USH2A: variants seen among roughly 807,000 people sequenced by gnomAD.
USH2A encodes Usher syndrome 2A (autosomal recessive, mild).
Under a neutral mutation model 538.9 loss-of-function variants are expected in USH2A, and 443 were observed. That is an observed-to-expected ratio of 0.82 (90% confidence interval 0.76 to 0.89). The LOEUF (loss-of-function observed/expected upper bound fraction) is 0.89. Ranked by LOEUF, USH2A falls within the 40% of genes least tolerant of loss-of-function variation. The probability of loss-of-function intolerance (pLI) is 0.00; values close to 1 mark genes in which losing one functional copy is unlikely to be tolerated. For synonymous variants in USH2A, 2,413 were observed against 2,273.5 expected, an observed-to-expected ratio of 1.06 and a Z score of -1.75; for missense variants, 6,633 against 6,324.8, an observed-to-expected ratio of 1.05 and a Z score of -1.65.
intron 32 of USH2A, among the ~76,000 whole-genome samples, chr1:216,041,780 T>C (rs550291080): frequency 4.1e-4 from 63 of 152,206 alleles, no homozygotes; most frequent in African/African-American, 1.5e-3. Flanking sequence ...TATAAAAGGT[T>C]AATAATTATT....
At chr1:215,653,718 A>C (rs1657151916) in intron 64 of USH2A, among the ~76,000 whole-genome samples, 1 of 152,190 alleles carries the variant, frequency 6.6e-6, no homozygotes, top group African/African-American at 2.4e-5. Flanking sequence ...TTTGTCTAAA[A>C]TATCACTGTG....
At chr1:216,404,461 A>G (rs897517384) in intron 3 of USH2A, among the ~76,000 whole-genome samples, 17 of 152,120 alleles carry the variant, frequency 1.1e-4, no homozygotes, top group African/African-American at 4.1e-4. Context: ...TCTGAAATAA[A>G]TCAACATAAA....
chr1:216,034,312 C>T (rs949118361), intron 32 of USH2A, among the ~76,000 whole-genome samples: 2 of 152,120 alleles, frequency 1.3e-5, no homozygotes, highest in African/African-American at 2.4e-5. Context: ...ATGAATTATA[C>T]AACCTCCACT....
intron 48 of USH2A, among the ~76,000 whole-genome samples, chr1:215,815,599 G>A (rs1662835643): frequency 6.6e-6 from 1 of 151,890 alleles, no homozygotes; most frequent in African/African-American, 2.4e-5. Context: ...AGAAAGGTAG[G>A]AGTAATTTTA....
chr1:216,226,995 T>C (rs1266648510), intron 14 of USH2A, among the ~76,000 whole-genome samples: 1 of 152,192 alleles, frequency 6.6e-6, no homozygotes, highest in Non-Finnish European at 1.5e-5. Flanking sequence ...GAGACACATG[T>C]CACCCTTCAA....
intron 52 of USH2A, among the ~76,000 whole-genome samples, chr1:215,785,006 G>C (rs1186168790): frequency 6.6e-6 from 1 of 152,142 alleles, no homozygotes; most frequent in East Asian, 1.9e-4. Flanking sequence ...ACTGGGACTG[G>C]GAACACAATA....
intron 47 of USH2A, among the ~76,000 whole-genome samples, chr1:215,819,530 G>C (rs1278051974): frequency 6.6e-6 from 1 of 151,794 alleles, no homozygotes; most frequent in East Asian, 1.9e-4. Flanking sequence ...GACTTGTACA[G>C]CCACAGCTAT....
chr1:216,196,169 T>A (rs1443531256), intron 19 of USH2A, among the ~76,000 whole-genome samples: 1 of 152,144 alleles, frequency 6.6e-6, no homozygotes, highest in Non-Finnish European at 1.5e-5. Flanking sequence ...TCAATGTTAT[T>A]TATATTTCCA....
intron 37 of USH2A, among the ~76,000 whole-genome samples, chr1:215,960,879 C>G (rs1233710725): frequency 1.3e-5 from 2 of 152,058 alleles, no homozygotes; most frequent in Admixed American, 1.3e-4. Context: ...TTCCACTTGT[C>G]ACACCATCTA....
At position 215,649,997 on chromosome 1, in the gene USH2A, A is replaced by T. The variant is rs145436650; in HGVS notation, c.14343+595T>A. 1.9e-3 allele frequency among the ~76,000 whole-genome samples: 285 copies of T among 152,320 alleles called. 2 individuals are homozygous for T. Among genetic ancestry groups the T allele is most frequent in the Non-Finnish European group, 3.6e-3 (242 of 68,026 alleles). ...ATGTGAAAGATGATTTCCCTGAGCA[A>T]TCTCTCCTGTCTCCCAGTGTGCCTC... is the stretch of plus-strand genomic sequence containing the variant. On this transcript the variant is annotated intron_variant, in intron 65 of 71. Coordinates refer to ENST00000307340, the MANE Select transcript of USH2A (RefSeq NM_206933.4).
Position 216,416,166 on chromosome 1 carries a change from C to CA in USH2A, c.651+2347dup, listed in dbSNP as rs1045950421. 1.3e-4 allele frequency among the ~76,000 whole-genome samples: 19 copies of CA among 150,246 alleles called. 1 individual carries two copies. The South Asian group carries it at 1.7e-3, about 13-fold the overall frequency. On this transcript the variant is annotated intron_variant, in intron 3 of 71. Transcript: ENST00000307340. ...GGGCAACAAGGGAGAAACTCTGTCT[C>CA]AAAAAAAAATCTATAATATGGATTT...
intron 30 of USH2A, among the ~76,000 whole-genome samples, chr1:216,069,488 C>T (rs1038392766): frequency 5.3e-5 from 8 of 152,088 alleles, no homozygotes; most frequent in African/African-American, 1.9e-4. Flanking sequence ...ATTAAACTCT[C>T]CCTTTAAATG....
intron 21 of USH2A, among the ~76,000 whole-genome samples, chr1:216,142,695 A>C (rs2033624344): frequency 6.6e-6 from 1 of 152,228 alleles, no homozygotes; most frequent in Non-Finnish European, 1.5e-5. Flanking sequence ...TTGAAATATG[A>C]TAACATTTAA....
intron 47 of USH2A, among the ~76,000 whole-genome samples, chr1:215,820,754 C>T (rs1455112910): frequency 1.3e-5 from 2 of 151,732 alleles, no homozygotes. Flanking sequence ...CCATGACCCT[C>T]TCAGGCCTCT....
intron 46 of USH2A, among the ~76,000 whole-genome samples, chr1:215,842,140 A>G (rs938489582): frequency 6.6e-6 from 1 of 152,176 alleles, no homozygotes; most frequent in African/African-American, 2.4e-5. Flanking sequence ...CCTGGTCAAC[A>G]TGGTGAAACC....
chr1:216,080,031 A>G (rs1257349502), intron 26 of USH2A: 1 of 152,122 alleles, frequency 6.6e-6, no homozygotes, highest in Non-Finnish European at 1.5e-5. Context: ...TGTTGTTGAC[A>G]AGGAGGAGGG....
At chr1:216,092,050 TAAAAC>T (rs376009135) in intron 22 of USH2A, among the ~76,000 whole-genome samples, 1 of 152,060 alleles carries the variant, frequency 6.6e-6, no homozygotes, top group South Asian at 2.1e-4. Flanking sequence ...TAAAAAAAAA[TAAAAC>T]AAACATCACA....
intron 3 of USH2A, among the ~76,000 whole-genome samples, chr1:216,386,826 G>T (rs1174763321): frequency 6.6e-6 from 1 of 152,066 alleles, no homozygotes; most frequent in African/African-American, 2.4e-5. Flanking sequence ...CTGCAATCCA[G>T]CCTGGGCGAC....
At chr1:215,809,905 G>A (rs1389288469) in intron 49 of USH2A, among the ~76,000 whole-genome samples, 1 of 152,134 alleles carries the variant, frequency 6.6e-6, no homozygotes, top group Non-Finnish European at 1.5e-5. Context: ...GATGCAACAG[G>A]ATTTGGGACC....
Sources: gnomAD v4.1 joint callset for allele counts (sites outside exome capture counted in the v4.1 genomes callset) on GRCh38, gnomAD v4.1.1 for gene constraint, MANE v1.5 for transcripts, NCBI Gene and HGNC (gene_info 2026-07-23, HGNC 2026-07-21) for gene names.